The following TNKS1BP1 variants were observed in gnomAD, a reference collection of about 807,000 sequenced individuals.
The protein encoded by TNKS1BP1 is CCR4-NOT transcription complex subunit 12.
In TNKS1BP1, 48 loss-of-function variants were observed where a neutral mutation model predicts 141.1. The observed-to-expected ratio is 0.34, with a 90% CI of 0.27 to 0.43. The LOEUF (loss-of-function observed/expected upper bound fraction) is 0.43, where lower values mean the gene tolerates loss of function less well. Ranked by LOEUF, TNKS1BP1 falls within the 20% of genes least tolerant of loss-of-function variation. TNKS1BP1 has a pLI of 1.00. For missense variants in TNKS1BP1, 2,149 were observed against 2,226.0 expected (o/e 0.97, Z 0.70); for synonymous variants, 875 against 898.2 (o/e 0.97, Z 0.46).
chr11:57,308,586 C>A lies in TNKS1BP1; in HGVS notation c.4125G>T (p.Glu1375Asp). 1 of 1,614,128 alleles carries A rather than the reference C, an allele frequency of 6.2e-7. No individual in the cohort carries two copies. The highest frequency in any genetic ancestry group is 8.5e-7 in the Non-Finnish European group (1 of 1,179,986). The change falls in exon 6 of 12, where the codon GAG becomes GAT. Residue 1375 changes from glutamate to aspartate, a missense_variant. Physicochemically the swap from Glu to Asp is conservative, Grantham distance 45 (BLOSUM62 2). Transcript: ENST00000358252. ...HGVGGVSQCP[E>D]PGLRHNGSLS... is the part of the protein sequence containing the mutation. Reference sequence around the variant, plus strand: ...AGCTGCCATTGTGCCTCAGGCCGGGCTCTGGGCACTGGCTCACCCCGCCCA... The same window carrying A: ...AGCTGCCATTGTGCCTCAGGCCGGGATCTGGGCACTGGCTCACCCCGCCCA...
In TNKS1BP1 at chr11:57,300,867, G is replaced by C. The variant is rs749935991; in HGVS notation, c.5129+17C>G. On this transcript the variant is annotated intron_variant, in intron 10 of 11. Coordinates refer to ENST00000358252, the MANE Select transcript of TNKS1BP1 (RefSeq NM_033396.3). ...ATACAGTGAGGTCAGCGGATGCCCA[G>C]AGCTTAGGTCACCTACCCTGAGGAT... The C allele has an allele frequency of 6.2e-7, 1 of 1,610,190 alleles. No individual in the cohort carries two copies. Among genetic ancestry groups the C allele is most frequent in the South Asian group, 1.1e-5 (1 of 90,794 alleles).
At position 57,302,585 on chromosome 11, in the gene TNKS1BP1, T is replaced by A. The variant is rs1440373418; in HGVS notation, c.4557A>T (p.Glu1519Asp). 2 of 1,612,972 alleles carry A rather than the reference T, an allele frequency of 1.2e-6. No individual in the cohort carries two copies. The highest frequency in any genetic ancestry group is 1.7e-6 in the Non-Finnish European group (2 of 1,179,930). ...AAGAGCCCCAGGTGCCATCCACGTC[T>A]TCTGTCTGGCTGGCCTCACCATCAG... is the stretch of plus-strand genomic sequence containing the variant. ...PQPDGEASQT[E>D]DVDGTWGSSA... The change falls in exon 7 of 12, where the codon GAA (glutamate) becomes GAT (aspartate). Residue 1519 changes from glutamate to aspartate, a missense_variant. Physicochemically the swap from Glu to Asp is conservative, Grantham distance 45 (BLOSUM62 2). Transcript: ENST00000358252. This position sits in a 1 kb window ranked among gnomAD's most constrained non-coding sequence, Gnocchi z 5.5.
At chr11:57,300,398 G>T in intron 11 of TNKS1BP1, 130 bp downstream of exon 11, 1 of 803,720 alleles carries the variant, frequency 1.2e-6, no homozygotes, top group Non-Finnish European at 2.0e-6. Context: ...CTGGAGCTTG[G>T]CTTCACCTGC....
chr11:57,309,755 A>G lies in TNKS1BP1; in HGVS notation c.2956T>C (p.Phe986Leu). ...TGTTGCTGGGCTTCCTCGGGGCTGA[A>G]CCCAGAGCTCAGGGGTCTCGTTCCA... ...SFGTRPLSSG[F>L]SPEEAQQQDE... The change falls in exon 6 of 12, where the codon TTC becomes CTC. Residue 986 changes from phenylalanine to leucine, a missense_variant. Physicochemically the swap from Phe to Leu is conservative, Grantham distance 22. Transcript: ENST00000358252. The surrounding 1 kb of genome is among the most constrained non-coding windows in gnomAD (Gnocchi z 4.3). The G allele has an allele frequency of 6.2e-7, 1 of 1,614,106 alleles. No homozygotes were observed. The highest frequency in any genetic ancestry group is 8.5e-7 in the Non-Finnish European group (1 of 1,180,022).
At chr11:57,313,994 G>A (rs1395082494) in intron 4 of TNKS1BP1, 105 bp from the exon 5 acceptor site, 5 of 1,309,056 alleles carry the variant, frequency 3.8e-6, no homozygotes, top group Non-Finnish European at 4.9e-6. Flanking sequence ...CCCAGGCTGG[G>A]AGGAGGCAAC....
intron 6 of TNKS1BP1, among the ~76,000 whole-genome samples, chr11:57,307,596 T>A (rs1401759085): frequency 6.6e-6 from 1 of 151,642 alleles, no homozygotes; most frequent in Non-Finnish European, 1.5e-5. Context: ...CTTCCCCACA[T>A]ACCCAGTGAG....
chr11:57,312,798 G>T lies in TNKS1BP1; in HGVS notation c.1890C>A (p.Pro630=), dbSNP rs1383912282. 1.1e-5 allele frequency: 18 copies of T among 1,611,760 alleles called. No individual in the cohort carries two copies. Among genetic ancestry groups the T allele is most frequent in the Non-Finnish European group, 1.5e-5 (18 of 1,178,936 alleles). ...CAGGGGCATCAGCAAAGAGAACACA[G>T]GGCTGGTCAGGGGCTGCTGGCTGCT... is the stretch of plus-strand genomic sequence containing the variant. ...GQEQPAAPDQ[P]CVLFADAPEP... The change falls in exon 5 of 12, where the codon CCC becomes CCA. Residue 630 remains proline (P), a synonymous_variant. Coordinates refer to ENST00000358252, the MANE Select transcript of TNKS1BP1 (RefSeq NM_033396.3).
chr11:57,307,393 G>T (rs964245957), intron 6 of TNKS1BP1, among the ~76,000 whole-genome samples: 1 of 152,024 alleles, frequency 6.6e-6, no homozygotes, highest in African/African-American at 2.4e-5. Context: ...GAGTCGTCAG[G>T]AAGCTCCACT....
chr11:57,315,154 A>C (rs1855778954), intron 4 of TNKS1BP1, among the ~76,000 whole-genome samples: 1 of 151,718 alleles, frequency 6.6e-6, no homozygotes, highest in Non-Finnish European at 1.5e-5. Context: ...CCATCCTCTC[A>C]AGGTCACACC....
intron 6 of TNKS1BP1, chr11:57,303,194 G>C (rs1159299228): frequency 1.0e-5 from 2 of 200,930 alleles, no homozygotes; most frequent in Admixed American, 1.2e-4. Context: ...TTGCATGCTA[G>C]CAATGTGTTC....
intron 6 of TNKS1BP1, 110 bp downstream of exon 6, chr11:57,308,285 A>G (rs1855643053): frequency 6.8e-7 from 1 of 1,461,236 alleles, no homozygotes; most frequent in African/African-American, 1.4e-5. Flanking sequence ...TTACCCAAAC[A>G]CTAAAAGTCC....
chr11:57,319,967 G>A (rs1855856117), intron 3 of TNKS1BP1, 112 bp downstream of exon 3: 3 of 1,442,388 alleles, frequency 2.1e-6, no homozygotes, highest in Admixed American at 4.0e-5. Context: ...CCAACCTACA[G>A]GTAAAAGTCA....
chr11:57,300,496 G>C (rs768954101), intron 11 of TNKS1BP1, 32 bp downstream of exon 11: 1 of 1,609,684 alleles, frequency 6.2e-7, no homozygotes, highest in Non-Finnish European at 8.5e-7. Context: ...GCCCTCCTCA[G>C]ACTGGATCCA....
Position 57,302,390 on chromosome 11 carries a change from G to A in TNKS1BP1, c.4683+69C>T. 1 of 1,544,552 alleles carries A rather than the reference G, an allele frequency of 6.5e-7. No homozygotes were observed. The highest frequency in any genetic ancestry group is 8.8e-7 in the Non-Finnish European group (1 of 1,142,004). ...TCCTGGACTGGGACTGCTCAGGGAA[G>A]CTCCAGGAATGGGGCTCTCGCTGCA... On this transcript the variant is annotated intron_variant, in intron 7 of 11. Coordinates refer to ENST00000358252, the MANE Select transcript of TNKS1BP1 (RefSeq NM_033396.3). This position sits in a 1 kb window ranked among gnomAD's most constrained non-coding sequence, Gnocchi z 5.5.
chr11:57,300,638 T>C, intron 10 of TNKS1BP1, 38 bp from the exon 11 acceptor site: 1 of 1,613,208 alleles, frequency 6.2e-7, no homozygotes, highest in Non-Finnish European at 8.5e-7. Flanking sequence ...ATGCAAACTT[T>C]GAGGAAACTG....
At chr11:57,311,298 C>T (rs2134360015) in intron 5 of TNKS1BP1, 2 of 985,936 alleles carry the variant, frequency 2.0e-6, no homozygotes, top group Non-Finnish European at 2.4e-6. Flanking sequence ...CATCCCTCAG[C>T]GCAGCGTTGG....
chr11:57,318,926 C>T (rs561145015), intron 3 of TNKS1BP1, among the ~76,000 whole-genome samples: 187 of 152,168 alleles, frequency 1.2e-3, no homozygotes, highest in Non-Finnish European at 2.2e-3. Context: ...AGGCAGATCA[C>T]GAGGTCAGGA....
At chr11:57,311,686 C>G (rs924187462) in intron 5 of TNKS1BP1, among the ~76,000 whole-genome samples, 2 of 152,350 alleles carry the variant, frequency 1.3e-5, no homozygotes, top group South Asian at 2.1e-4. Context: ...AGCCCAGGCC[C>G]GGCTTGAGAA....
intron 9 of TNKS1BP1, 145 bp downstream of exon 9, chr11:57,301,662 G>C: frequency 8.7e-7 from 1 of 1,145,726 alleles, no homozygotes; most frequent in South Asian, 1.6e-5. Flanking sequence ...GGATCTTCTG[G>C]AGCCCTCGAT....
Sources: allele counts gnomAD v4.1 joint callset (sites outside exome capture counted in the v4.1 genomes callset), GRCh38; gene constraint gnomAD v4.1.1; non-coding constraint Gnocchi (gnomAD v3.1); transcripts MANE v1.5; gene names NCBI Gene and HGNC (gene_info 2026-07-23, HGNC 2026-07-21).